KIAA0040: variants seen among roughly 807,000 people sequenced by gnomAD.
The protein encoded by KIAA0040 is uncharacterized protein KIAA0040.
A neutral mutation model predicts 7.2 loss-of-function variants in KIAA0040; 10 were observed. The ratio of observed to expected loss-of-function variants is 1.38; its 90% CI spans 0.85 to 2.34. KIAA0040 has a LOEUF of 2.34. KIAA0040 is among the 30% of genes most tolerant of loss of function. The probability of loss-of-function intolerance (pLI) is 0.00; values close to 1 mark genes in which losing one functional copy is unlikely to be tolerated. For missense variants in KIAA0040, 89 were observed against 108.2 expected, an observed-to-expected ratio of 0.82 and a Z score of 0.79; for synonymous variants, 49 against 40.1, an observed-to-expected ratio of 1.22 and a Z score of -0.84.
rs1161810415 is a variant in KIAA0040 at position 175,158,552 on chromosome 1, AG to A, written c.*2161del. 6.6e-6 allele frequency: 1 copy of A among 152,296 alleles called. No homozygotes were observed. The highest frequency in any genetic ancestry group is 2.4e-5 in the African/African-American group (1 of 41,398). 9.4% of individuals were successfully genotyped at this position (152,296 alleles called of 1,614,324 possible). Reference sequence around the variant, plus strand: ...GGGGGACTGAGAGGTGGAGACAGGAAGGGCAGCTTGTCCTGGTGAGCAGTGG... The same window carrying A: ...GGGGGACTGAGAGGTGGAGACAGGAAGGCAGCTTGTCCTGGTGAGCAGTGG... On this transcript the variant is annotated 3_prime_UTR_variant, in exon 4 of 4. Transcript: ENST00000423313.
chr1:175,191,592 T>C (rs1256250762), intron 1 of KIAA0040, among the ~76,000 whole-genome samples: 3 of 152,234 alleles, frequency 2.0e-5, no homozygotes, highest in Admixed American at 6.5e-5. Flanking sequence ...CAGAAGTCTT[T>C]AGATAGAACT....
rs1558387057 is a variant in KIAA0040 at position 175,160,805 on chromosome 1, TTCTTC to T, written c.204_208del (p.Lys69GlufsTer7). On this transcript the variant is annotated frameshift_variant, in exon 4 of 4. Transcript: ENST00000423313. LOFTEE classifies it high-confidence loss of function. ...TTCTTCATCCTTCTTCTTCTTCTTC[TTCTTC>T]TTCTTCTTGTTCTTCTCTGGCTGCT... The T allele has an allele frequency of 1.7e-5, 26 of 1,550,242 alleles. No individual in the cohort carries two copies. The African/African-American group carries it at 2.3e-4, about 14-fold the overall frequency.
chr1:175,169,503 T>C (rs1676902301), intron 2 of KIAA0040, among the ~76,000 whole-genome samples: 1 of 152,220 alleles, frequency 6.6e-6, no homozygotes, highest in Non-Finnish European at 1.5e-5. Context: ...AAGTTAGTCC[T>C]GATTGTTTGA....
rs192130105 is a variant in KIAA0040, at chr1:175,178,468, G to A, written c.-383-784C>T. Among the ~76,000 whole-genome samples, 6 of 152,322 alleles carry A rather than the reference G, an allele frequency of 3.9e-5. No individual in the cohort carries two copies. In the East Asian group the frequency reaches 1.2e-3, roughly 29 times the overall value. On this transcript the variant is annotated intron_variant, in intron 1 of 3. Transcript: ENST00000423313. ...TTCTTTATACATGAAGAGGCCAATA[G>A]CACTAATAACAATTGTTTGCATCAA... is the stretch of plus-strand genomic sequence containing the variant.
At chr1:175,183,859 G>A (rs1435587280) in intron 1 of KIAA0040, among the ~76,000 whole-genome samples, 1 of 152,234 alleles carries the variant, frequency 6.6e-6, no homozygotes, top group Non-Finnish European at 1.5e-5. Context: ...GTCCTTGAGG[G>A]TGGAATCTGT....
chr1:175,162,151 C>A (rs988771154), intron 3 of KIAA0040, among the ~76,000 whole-genome samples: 3 of 152,136 alleles, frequency 2.0e-5, no homozygotes, highest in African/African-American at 7.2e-5. Flanking sequence ...TAGAGGCTGC[C>A]TTCCATTCTG....
chr1:175,167,625 CT>C (rs1676818221), intron 2 of KIAA0040, among the ~76,000 whole-genome samples: 2 of 152,294 alleles, frequency 1.3e-5, no homozygotes, highest in South Asian at 2.1e-4. Flanking sequence ...AGAACACTCT[CT>C]CTGACGTGTG....
chr1:175,181,826 AG>A (rs1411406699), intron 1 of KIAA0040, among the ~76,000 whole-genome samples: 2 of 152,208 alleles, frequency 1.3e-5, no homozygotes, highest in Non-Finnish European at 2.9e-5. Flanking sequence ...CGGGAAAGAA[AG>A]GTGATTCCAG....
rs962063497 is a variant in KIAA0040 at position 175,161,004 on chromosome 1, T to C, written c.10A>G (p.Ile4Val). The C allele has an allele frequency of 1.9e-6, 3 of 1,550,544 alleles. No homozygotes were observed. The African/African-American group carries it at 4.1e-5, about 21-fold the overall frequency. ...CAGATAGAGCTGAAGAAGGCACTGA[T>C]TCTCTCCATGGTGCTTGGCTAGATT... is the stretch of plus-strand genomic sequence containing the variant. MER[I>V]SAFFSSIWDT... The change falls in exon 4 of 4, where the codon ATC becomes GTC. Residue 4 changes from isoleucine (I) to valine (V), a missense_variant. Ile to Val is a conservative substitution (Grantham distance 29). Transcript: ENST00000423313.
chr1:175,185,982 A>T (rs1677643791), intron 1 of KIAA0040, among the ~76,000 whole-genome samples: 1 of 152,246 alleles, frequency 6.6e-6, no homozygotes, highest in South Asian at 2.1e-4. Flanking sequence ...ATCTAGAATA[A>T]GCAACTCCAT....
At chr1:175,164,708 G>T (rs914949904) in intron 3 of KIAA0040, among the ~76,000 whole-genome samples, 1 of 152,138 alleles carries the variant, frequency 6.6e-6, no homozygotes, top group Non-Finnish European at 1.5e-5. Context: ...TCGATTAAAA[G>T]GTATTCTTTA....
At chr1:175,187,902 C>CT (rs1677725197) in intron 1 of KIAA0040, among the ~76,000 whole-genome samples, 1 of 151,544 alleles carries the variant, frequency 6.6e-6, no homozygotes, top group Non-Finnish European at 1.5e-5. Context: ...GCCTGGGAAA[C>CT]TAAAAAAAAA....
chr1:175,168,447 T>C (rs1315055431), intron 2 of KIAA0040, among the ~76,000 whole-genome samples: 2 of 152,172 alleles, frequency 1.3e-5, no homozygotes, highest in Non-Finnish European at 2.9e-5. Context: ...GGAAAATAGA[T>C]AGTATTTTCC....
chr1:175,171,006 G>C (rs576645265), intron 2 of KIAA0040, among the ~76,000 whole-genome samples: 3 of 152,164 alleles, frequency 2.0e-5, no homozygotes, highest in Non-Finnish European at 4.4e-5. Context: ...TGGCCTAGCC[G>C]CGCCTACTAC....
At chr1:175,177,405 G>C (rs551465946) in intron 2 of KIAA0040, among the ~76,000 whole-genome samples, 1 of 152,366 alleles carries the variant, frequency 6.6e-6, no homozygotes, top group Non-Finnish European at 1.5e-5. Context: ...GAAGAAAGTA[G>C]ATGTCCTTGA....
rs1676407963 is a variant in KIAA0040 at position 175,158,914 on chromosome 1, T to C, written c.*1800A>G. ...ACCCTCCACAGGCCTAAAGTACACC[T>C]GGAGGGCAGGTGAGTACCAAGCAGC... On this transcript the variant is annotated 3_prime_UTR_variant, in exon 4 of 4. Transcript: ENST00000423313. The C allele has an allele frequency of 6.6e-6, 1 of 152,220 alleles. No individual in the cohort carries two copies. Among genetic ancestry groups the C allele is most frequent in the Non-Finnish European group, 1.5e-5 (1 of 68,034 alleles). The allele number at this position is 152,220 out of a possible 1,614,324, so 9.4% of individuals were successfully genotyped here. A position where few individuals can be genotyped will look rare whatever the true frequency, so the allele number is the denominator to read the frequency against.
intron 3 of KIAA0040, among the ~76,000 whole-genome samples, chr1:175,164,175 G>A (rs1676662431): frequency 6.6e-6 from 1 of 152,164 alleles, no homozygotes; most frequent in African/African-American, 2.4e-5. Context: ...TGTGATCAGA[G>A]CTGCCTTTCA....
chr1:175,159,686 T>C lies in KIAA0040; in HGVS notation c.*1028A>G, dbSNP rs1219534336. ...GTCTAGTTCCTTCCCTGCTGGAAAC[T>C]TTGGTTATATAGGAGATACCTAGCT... is the stretch of plus-strand genomic sequence containing the variant. On this transcript the variant is annotated 3_prime_UTR_variant, in exon 4 of 4. Transcript: ENST00000423313. 7.2e-5 allele frequency: 11 copies of C among 152,198 alleles called. No homozygotes were observed. 9.4% of individuals were successfully genotyped at this position (152,198 alleles called of 1,614,324 possible).
chr1:175,177,072 G>A (rs1677231135), intron 2 of KIAA0040, among the ~76,000 whole-genome samples: 1 of 152,138 alleles, frequency 6.6e-6, no homozygotes, highest in Non-Finnish European at 1.5e-5. Flanking sequence ...GAGACCCTCT[G>A]GAAAGCACTT....
Sources: gnomAD v4.1 joint callset for allele counts (sites outside exome capture counted in the v4.1 genomes callset) on GRCh38, gnomAD v4.1.1 for gene constraint, MANE v1.5 for transcripts, NCBI Gene and HGNC (gene_info 2026-07-23, HGNC 2026-07-21) for gene names.